Variants in KMT2C observed in about 807,000 individuals in gnomAD.
KMT2C encodes the protein histone-lysine N-methyltransferase 2C.
A neutral mutation model predicts 507.9 loss-of-function variants in KMT2C; 88 were observed. That is an observed-to-expected ratio of 0.17 (90% CI 0.15 to 0.21). KMT2C has a LOEUF of 0.21. Ranked by LOEUF, KMT2C falls within the 10% of genes least tolerant of loss-of-function variation. KMT2C has a pLI of 1.00. For missense variants in KMT2C, 4,954 were observed against 5,957.8 expected, an observed-to-expected ratio of 0.83 and a Z score of 5.55; for synonymous variants, 2,049 against 2,080.8, an observed-to-expected ratio of 0.98 and a Z score of 0.42.
At chr7:152,168,939 T>C (rs536283475) in intron 41 of KMT2C, among the ~76,000 whole-genome samples, 4 of 152,266 alleles carry the variant, frequency 2.6e-5, no homozygotes, top group African/African-American at 9.6e-5. Context: ...TTGAAGAGAA[T>C]GGGGAAGATG....
chr7:152,408,220 AGAGGTTGCAGT>A (rs1255520100), intron 1 of KMT2C, among the ~76,000 whole-genome samples: 2 of 152,106 alleles, frequency 1.3e-5, no homozygotes, highest in Non-Finnish European at 2.9e-5. Context: ...CCAGGGAGGT[AGAGGTTGCAGT>A]GAGCCAAAAT....
At chr7:152,191,589 A>T (rs879279640) in intron 31 of KMT2C, among the ~76,000 whole-genome samples, 2 of 152,214 alleles carry the variant, frequency 1.3e-5, no homozygotes, top group Non-Finnish European at 2.9e-5. Flanking sequence ...CAATATTGAC[A>T]CCAGAGCTAC....
intron 1 of KMT2C, among the ~76,000 whole-genome samples, chr7:152,369,644 A>T (rs1248031785): frequency 6.6e-6 from 1 of 152,156 alleles, no homozygotes; most frequent in Non-Finnish European, 1.5e-5. Flanking sequence ...TGAACCCACA[A>T]GAGTAGGTTG....
In KMT2C at chr7:152,181,555, T is replaced by C; in HGVS notation, c.6305A>G (p.His2102Arg). The change falls in exon 36 of 59, where the codon CAT becomes CGT. Residue 2102 changes from histidine (H) to arginine (R), a missense_variant. By Grantham distance (29) the His-to-Arg change is conservative (BLOSUM62 0). Around this residue, in one of 29 missense-constraint regions of KMT2C, gnomAD observed 1,689 missense variants for 1,654.3 expected, o/e 1.02. Coordinates refer to ENST00000262189, the MANE Select transcript of KMT2C (RefSeq NM_170606.3). Reference protein sequence around the residue: ...DPYSQPPLTPHPAVNESFAHP... With the variant: ...DPYSQPPLTPRPAVNESFAHP... ...GGCAAAAGATTCATTCACTGCTGGATGTGGGGTAAGGGGAGGCTGACTATA... is the reference window on the plus strand; with the variant it reads ...GGCAAAAGATTCATTCACTGCTGGACGTGGGGTAAGGGGAGGCTGACTATA... 6.2e-7 allele frequency: 1 copy of C among 1,613,880 alleles called. No individual in the cohort carries two copies. Among genetic ancestry groups the C allele is most frequent in the South Asian group, 1.1e-5 (1 of 91,066 alleles).
chr7:152,185,460 T>C, intron 34 of KMT2C, 98 bp downstream of exon 34: 1 of 868,394 alleles, frequency 1.2e-6, no homozygotes. Context: ...CTAACAAGCA[T>C]TTTCTGAAAT....
At position 152,279,812 on chromosome 7, in the gene KMT2C, T is replaced by C. The variant is rs115524827; in HGVS notation, c.850-5945A>G. 8.5e-3 allele frequency among the ~76,000 whole-genome samples: 1,301 copies of C among 152,292 alleles called. 17 individuals are homozygous for C. The highest frequency in any genetic ancestry group is 0.03 in the African/African-American group (1,254 of 41,558). On this transcript the variant is annotated intron_variant, in intron 6 of 58. Coordinates refer to ENST00000262189, the MANE Select transcript of KMT2C (RefSeq NM_170606.3). ...TCTCCTCCCTGCTGCCACAGTAATCTTTCTGAAGGAATACAAATATATTCT... is the reference window on the plus strand; with the variant it reads ...TCTCCTCCCTGCTGCCACAGTAATCCTTCTGAAGGAATACAAATATATTCT...
intron 40 of KMT2C, 49 bp downstream of exon 40, chr7:152,171,215 G>A (rs1376016233): frequency 6.2e-6 from 8 of 1,288,122 alleles, no homozygotes; most frequent in Non-Finnish European, 7.6e-6. Context: ...AGTTTGCTGG[G>A]AAACAGAAAA....
rs1486312678 is a variant in KMT2C at position 152,174,233 on chromosome 7, G to A, written c.9272C>T (p.Ala3091Val). 1 of 1,536,674 alleles carries A rather than the reference G, an allele frequency of 6.5e-7. No homozygotes were observed. The highest frequency in any genetic ancestry group is 9.0e-7 in the Non-Finnish European group (1 of 1,117,032). The change falls in exon 39 of 59, where the codon GCA (alanine) becomes GTA (valine). Residue 3091 changes from alanine to valine, a missense_variant. Around this residue, in one of 29 missense-constraint regions of KMT2C, gnomAD observed 1,689 missense variants for 1,654.3 expected, o/e 1.02. Coordinates refer to ENST00000262189, the MANE Select transcript of KMT2C (RefSeq NM_170606.3). ...EPFFPNIDFD[A>V]ITDPIMKAKM... ...GGCTTTCATTATAGGATCTGTAATT[G>A]CATCAAAATCTAGAAAAGAAATATA...
At chr7:152,348,783 T>C (rs6464221) in intron 2 of KMT2C, among the ~76,000 whole-genome samples, 22,716 of 151,788 alleles carry the variant, frequency 0.15, 4,507 homozygotes, top group African/African-American at 0.46. Context: ...ATTAGAATGG[T>C]CAAAATCTGG....
intron 7 of KMT2C, among the ~76,000 whole-genome samples, chr7:152,269,136 G>A (rs200628541): frequency 1.2e-4 from 19 of 152,046 alleles, no homozygotes; most frequent in African/African-American, 4.1e-4. Context: ...AACAAAGTTC[G>A]CTCTGCAACA....
rs750280670 is a variant in KMT2C at position 152,162,669 on chromosome 7, G to A, written c.10908C>T (p.Gly3636=). 6.2e-7 allele frequency: 1 copy of A among 1,614,230 alleles called. No individual in the cohort carries two copies. Among genetic ancestry groups the A allele is most frequent in the South Asian group, 1.1e-5 (1 of 91,088 alleles). Residue 3636 remains glycine (G), a synonymous_variant, in exon 43 of 59, where the codon GGC becomes GGT. Coordinates refer to ENST00000262189, the MANE Select transcript of KMT2C (RefSeq NM_170606.3). ...HSDITAPPTP[G]ISETTSTPAV... is the part of the protein sequence containing the mutation. ...CAGGAGTAGAGGTAGTTTCTGAGAT[G>A]CCTGGAGTCGGTGGGGCAGTTATAT...
chr7:152,336,699 CCTGCAAGCCAAA>C (rs2096938918), intron 2 of KMT2C, among the ~76,000 whole-genome samples: 1 of 152,172 alleles, frequency 6.6e-6, no homozygotes, highest in South Asian at 2.1e-4. Flanking sequence ...GCTCAAACTG[CCTGCAAGCCAAA>C]CTGTGGAAAT....
At chr7:152,244,511 C>T (rs2095438408) in intron 14 of KMT2C, among the ~76,000 whole-genome samples, 1 of 152,054 alleles carries the variant, frequency 6.6e-6, no homozygotes, top group African/African-American at 2.4e-5. Flanking sequence ...GCAAGACCCC[C>T]ATCTCTATAA....
In KMT2C at chr7:152,183,135, C is replaced by T; in HGVS notation, c.5104G>A (p.Ala1702Thr). The T allele has an allele frequency of 1.3e-6, 2 of 1,567,950 alleles. No individual in the cohort carries two copies. Among genetic ancestry groups the T allele is most frequent in the Non-Finnish European group, 1.7e-6 (2 of 1,163,172 alleles). The stretch of plus-strand genomic sequence containing the variant: ...TGTACTTTATTAATGCGTAAAGCAG[C>T]TCTGTTATCTCTGGCTTTTTGCTTT... Reference protein sequence around the residue: ...PYVQKARDNRAALRINKVQMS... With the variant: ...PYVQKARDNRTALRINKVQMS... Residue 1702 changes from alanine (A) to threonine (T), a missense_variant, in exon 35 of 59, where the codon GCT becomes ACT. Physicochemically the swap from Ala to Thr is moderately conservative, Grantham distance 58. This residue lies in a region of KMT2C where 58 missense variants were observed against 63.3 expected (regional missense o/e 0.92). Transcript: ENST00000262189.
chr7:152,166,945 G>A (rs1051412958), intron 42 of KMT2C, among the ~76,000 whole-genome samples: 2 of 152,102 alleles, frequency 1.3e-5, no homozygotes, highest in African/African-American at 4.8e-5. Flanking sequence ...TGCTGTGACC[G>A]TCACTTTAAG....
In KMT2C at chr7:152,315,281, G is replaced by C. The variant is rs2129202661; in HGVS notation, c.447C>G (p.Asp149Glu). The stretch of plus-strand genomic sequence containing the variant: ...CAGGCGTTATTCTGAATTGTTTTAA[G>C]TCTCCTTGTCCTAAGGAACTTTTTT... The part of the protein sequence containing the change: ...CGEKSSLGQG[D>E]LKQFRITPGF... Residue 149 changes from aspartate to glutamate, a missense_variant, in exon 4 of 59, where the codon GAC (aspartate) becomes GAG (glutamate). By Grantham distance (45) the Asp-to-Glu change is conservative (BLOSUM62 2). Around this residue, in one of 29 missense-constraint regions of KMT2C, gnomAD observed 233 missense variants for 263.6 expected, o/e 0.88. Coordinates refer to ENST00000262189, the MANE Select transcript of KMT2C (RefSeq NM_170606.3). The C allele has an allele frequency of 1.1e-5, 18 of 1,613,956 alleles. No individual in the cohort carries two copies. The highest frequency in any genetic ancestry group is 1.4e-5 in the Non-Finnish European group (17 of 1,179,938).
In KMT2C at chr7:152,194,127, C is replaced by G; in HGVS notation, c.4542G>C (p.Glu1514Asp). ...AGTCTTCAACATCTTTTCCGCCAAG[C>G]TCTAGGAGATAAAACAATAATAGTA... ...AILGKLYKIP[E>D]LGGKDVEDLF... Residue 1514 changes from glutamate (E) to aspartate (D), a missense_variant and splice_region_variant, in exon 31 of 59, where the codon GAG becomes GAC. Glu to Asp is a conservative substitution (Grantham distance 45). This residue lies in a region of KMT2C where 195 missense variants were observed against 183.7 expected (regional missense o/e 1.06). Coordinates refer to ENST00000262189, the MANE Select transcript of KMT2C (RefSeq NM_170606.3). The G allele has an allele frequency of 6.4e-7, 1 of 1,572,648 alleles. No individual in the cohort carries two copies. Among genetic ancestry groups the G allele is most frequent in the Non-Finnish European group, 8.6e-7 (1 of 1,166,382 alleles).
chr7:152,311,216 C>T (rs2096668805), intron 5 of KMT2C, among the ~76,000 whole-genome samples: 1 of 152,124 alleles, frequency 6.6e-6, no homozygotes, highest in Admixed American at 6.5e-5. Flanking sequence ...AAATAAACTA[C>T]ACATACACCT....
chr7:152,342,832 G>A (rs116730896), intron 2 of KMT2C, among the ~76,000 whole-genome samples: 1,958 of 152,276 alleles, frequency 0.013, 45 homozygotes, highest in African/African-American at 0.045. Flanking sequence ...AACAAGGCCT[G>A]CCTTCAGGAG....
Sources: allele counts gnomAD v4.1 joint callset (sites outside exome capture counted in the v4.1 genomes callset), GRCh38; gene constraint gnomAD v4.1.1; regional missense constraint gnomAD v4.1.1; transcripts MANE v1.5; gene names NCBI Gene and HGNC (gene_info 2026-07-23, HGNC 2026-07-21).